The following AOX1 variants were observed in gnomAD, a reference collection of about 807,000 sequenced individuals.
AOX1 encodes the protein aldehyde oxidase.
AOX1 carries 153 observed loss-of-function variants against 169.5 expected under a neutral mutation model. The ratio of observed to expected loss-of-function variants is 0.90; its 90% CI spans 0.79 to 1.03. AOX1 has a LOEUF of 1.03. Among genes scored for constraint, AOX1 ranks in the 50% least tolerant of loss-of-function variants. AOX1 has a pLI of 0.00. For missense variants in AOX1, 1,656 were observed against 1,663.9 expected (o/e 1.00, Z 0.08); for synonymous variants, 562 against 581.9 (o/e 0.97, Z 0.49).
At chr2:200,635,944 C>A (rs561159090) in intron 21 of AOX1, among the ~76,000 whole-genome samples, 1 of 151,962 alleles carries the variant, frequency 6.6e-6, no homozygotes, top group African/African-American at 2.4e-5. Flanking sequence ...TCTTCACTCT[C>A]CGTGGGATGT....
At chr2:200,590,606 G>A (rs1405572359) in intron 1 of AOX1, among the ~76,000 whole-genome samples, 1 of 152,148 alleles carries the variant, frequency 6.6e-6, no homozygotes, top group Non-Finnish European at 1.5e-5. Flanking sequence ...TTTCAAACTG[G>A]TGGGACTTTG....
At chr2:200,640,036 CAAAAA>C (rs547926062) in intron 23 of AOX1, among the ~76,000 whole-genome samples, 1 of 67,796 alleles carries the variant, frequency 1.5e-5, no homozygotes. Context: ...GACTCCATCT[CAAAAA>C]AAAAAAAAAA....
chr2:200,654,542 A>C (rs940827048), intron 26 of AOX1, among the ~76,000 whole-genome samples: 1 of 152,212 alleles, frequency 6.6e-6, no homozygotes, highest in African/African-American at 2.4e-5. Flanking sequence ...CTGCAATATC[A>C]GTGTACTTAC....
At chr2:200,640,783 T>C (rs929145720) in intron 23 of AOX1, among the ~76,000 whole-genome samples, 1 of 152,210 alleles carries the variant, frequency 6.6e-6, no homozygotes, top group Non-Finnish European at 1.5e-5. Flanking sequence ...TGTTTTCTGA[T>C]GGAGAGTAGT....
intron 26 of AOX1, among the ~76,000 whole-genome samples, chr2:200,652,937 G>A (rs2035609629): frequency 6.6e-6 from 1 of 152,150 alleles, no homozygotes; most frequent in African/African-American, 2.4e-5. Context: ...CAATTACTGA[G>A]CACTACGATG....
intron 15 of AOX1, 46 bp downstream of exon 15, chr2:200,614,012 G>A: frequency 1.3e-6 from 2 of 1,566,088 alleles, no homozygotes; most frequent in Non-Finnish European, 1.7e-6. Flanking sequence ...TGGGAGCTAT[G>A]ATGACACCAA....
intron 4 of AOX1, 107 bp from the exon 5 acceptor site, chr2:200,599,513 A>G: frequency 2.2e-6 from 2 of 900,880 alleles, no homozygotes; most frequent in Non-Finnish European, 3.3e-6. Context: ...CTGCAATCTT[A>G]ACATGCAGAC....
chr2:200,663,991 A>T (rs1004120909), intron 31 of AOX1, among the ~76,000 whole-genome samples: 1 of 152,234 alleles, frequency 6.6e-6, no homozygotes, highest in Non-Finnish European at 1.5e-5. Context: ...GTCTGGTTCT[A>T]ATTCAGACTG....
rs1574962361 is a variant in AOX1 at position 200,662,770 on chromosome 2, G to T, written c.3429-85G>T. Reference sequence around the variant, plus strand: ...AGGTACAGGTATATTCCTGTGGCTTGCATAAATCCTCATGGGTCTGTTTAG... The same window carrying T: ...AGGTACAGGTATATTCCTGTGGCTTTCATAAATCCTCATGGGTCTGTTTAG... On this transcript the variant is annotated intron_variant, in intron 30 of 34. Coordinates refer to ENST00000374700, the MANE Select transcript of AOX1 (RefSeq NM_001159.4). The T allele has an allele frequency of 8.9e-6, 9 of 1,012,062 alleles. No homozygotes were observed. In the East Asian group the frequency reaches 1.2e-4, roughly 13 times the overall value. 62.7% of individuals were successfully genotyped at this position (1,012,062 alleles called of 1,614,324 possible).
rs566268546 is a variant in AOX1, at chr2:200,659,994, G to T, written c.3301-1G>T. The T allele has an allele frequency of 6.8e-6, 11 of 1,610,512 alleles. No individual in the cohort carries two copies. The East Asian group carries it at 2.5e-4, about 36-fold the overall frequency. On this transcript the variant is annotated splice_acceptor_variant, in intron 28 of 34. Transcript: ENST00000374700. LOFTEE classifies it high-confidence loss of function. ...AATTTTAATTTAAAAATAATCTCTAGGATGCCTGTCAAACTCTTCTAAAAC... is the reference window on the plus strand; with the variant it reads ...AATTTTAATTTAAAAATAATCTCTATGATGCCTGTCAAACTCTTCTAAAAC...
At chr2:200,643,870 T>C (rs1191262828) in intron 25 of AOX1, among the ~76,000 whole-genome samples, 1 of 152,220 alleles carries the variant, frequency 6.6e-6, no homozygotes, top group African/African-American at 2.4e-5. Context: ...TTGTGAATTG[T>C]CTATTCATGT....
intron 30 of AOX1, among the ~76,000 whole-genome samples, chr2:200,662,481 A>G (rs2035846421): frequency 6.6e-6 from 1 of 152,190 alleles, no homozygotes. Context: ...CCAGAAAGAT[A>G]GACAAAGCAG....
chr2:200,592,313 A>G (rs1168620545), intron 1 of AOX1, among the ~76,000 whole-genome samples: 1 of 152,230 alleles, frequency 6.6e-6, no homozygotes, highest in East Asian at 1.9e-4. Flanking sequence ...TAGAATAAGC[A>G]TATGTCCACT....
chr2:200,680,634 C>A (rs2036144217), downstream of AOX1, among the ~76,000 whole-genome samples: 1 of 152,156 alleles, frequency 6.6e-6, no homozygotes, highest in South Asian at 2.1e-4. Context: ...CAACCTCCGC[C>A]TCCCAGGTTC....
chr2:200,669,475 A>C, intron 33 of AOX1, 100 bp from the exon 34 acceptor site: 34 of 1,191,002 alleles, frequency 2.9e-5, no homozygotes, highest in Non-Finnish European at 3.8e-5. Context: ...GTACATATGT[A>C]GTACGTAATA....
chr2:200,630,343 C>A (rs2035091942), intron 20 of AOX1, among the ~76,000 whole-genome samples: 1 of 150,758 alleles, frequency 6.6e-6, no homozygotes, highest in Non-Finnish European at 1.5e-5. Context: ...GGCAATATGG[C>A]AAAACCCTGT....
intron 19 of AOX1, 95 bp from the exon 20 acceptor site, chr2:200,627,255 AAAC>A: frequency 1.3e-6 from 1 of 777,646 alleles, no homozygotes. Context: ...GTGAAGGGAG[AAAC>A]AACCCCTGCT....
chr2:200,664,315 G>C (rs920586457), intron 31 of AOX1, among the ~76,000 whole-genome samples: 1 of 152,164 alleles, frequency 6.6e-6, no homozygotes, highest in Non-Finnish European at 1.5e-5. Flanking sequence ...GTACAGACAT[G>C]GCTTCACCAT....
chr2:200,623,181 G>A (rs914207614), intron 18 of AOX1, among the ~76,000 whole-genome samples: 7 of 152,178 alleles, frequency 4.6e-5, no homozygotes, highest in African/African-American at 1.4e-4. Context: ...ACTTCTTCCA[G>A]TCCAGACTGT....
Sources: allele counts gnomAD v4.1 joint callset (sites outside exome capture counted in the v4.1 genomes callset), GRCh38; gene constraint gnomAD v4.1.1; transcripts MANE v1.5; gene names NCBI Gene and HGNC (gene_info 2026-07-23, HGNC 2026-07-21).